MBTPS2: variants seen among roughly 807,000 people sequenced by gnomAD.
MBTPS2 encodes membrane bound transcription factor peptidase, site 2.
MBTPS2 carries 2 observed loss-of-function variants against 35.4 expected under a neutral mutation model. That is an observed-to-expected ratio of 0.06 (90% CI 0.02 to 0.18). The LOEUF is 0.18. MBTPS2 is among the 10% of genes least tolerant of loss of function. MBTPS2 has a pLI of 1.00. For synonymous variants in MBTPS2, 125 were observed against 140.4 expected (o/e 0.89, Z 0.77); for missense variants, 244 against 386.5 (o/e 0.63, Z 3.09).
At position 21,839,619 on chromosome X, in the gene MBTPS2, C is replaced by A; in HGVS notation, c.-116C>A. 1.3e-6 allele frequency: 1 copy of A among 744,038 alleles called. No homozygotes were observed. Among genetic ancestry groups the A allele is most frequent in the South Asian group, 2.3e-5 (1 of 44,247 alleles). The allele number at this position is 744,038 out of a possible 1,213,427, so 61.3% of individuals were successfully genotyped here. On this transcript the variant is annotated 5_prime_UTR_variant, in exon 1 of 11. Transcript: ENST00000379484. ...CGTGCCACCGCAAGGAAGGAGCCGG[C>A]GGTAGCTTGGTTCCTGAGCGGATGC...
At chrX:21,865,033 C>G (rs925506921) in intron 5 of MBTPS2, among the ~76,000 whole-genome samples, 1 of 106,440 alleles carries the variant, frequency 9.4e-6, no homozygotes, top group Admixed American at 1.0e-4. Context: ...CAGGTGTGCA[C>G]CACCACACCC....
chrX:21,853,651 G>A, intron 5 of MBTPS2, 148 bp downstream of exon 5: 3 of 516,149 alleles, frequency 5.8e-6, no homozygotes, highest in Non-Finnish European at 3.2e-6. Flanking sequence ...CAAAAGTAGA[G>A]GAGTAAAATA....
At position 21,883,700 on chromosome X, in the gene MBTPS2, G is replaced by A. The variant is rs1338241542; in HGVS notation, c.*1045G>A. On this transcript the variant is annotated 3_prime_UTR_variant, in exon 11 of 11. Transcript: ENST00000379484. ...TCAGGTTATTAAGTACCTAGTCCTTGTTTTCTGTCTCTCTCCTAAGCTACC... is the reference window on the plus strand; with the variant it reads ...TCAGGTTATTAAGTACCTAGTCCTTATTTTCTGTCTCTCTCCTAAGCTACC... 1.3e-6 allele frequency: 1 copy of A among 752,080 alleles called. No individual in the cohort carries two copies. The highest frequency in any genetic ancestry group is 1.6e-6 in the Non-Finnish European group (1 of 638,953). 62.0% of individuals were successfully genotyped at this position (752,080 alleles called of 1,213,427 possible).
intron 1 of MBTPS2, 57 bp downstream of exon 1, chrX:21,839,866 CCTT>C (rs1327369844): frequency 1.1e-5 from 12 of 1,077,155 alleles, no homozygotes; most frequent in East Asian, 3.3e-5. Flanking sequence ...GAGCGCAAGG[CCTT>C]CTTTTCTCTT....
At chrX:21,856,447 G>C (rs1602142400) in intron 5 of MBTPS2, 1 of 1,172,238 alleles carries the variant, frequency 8.5e-7, no homozygotes, top group Non-Finnish European at 1.1e-6. Context: ...TTTTTCCCAC[G>C]GTCTTCCCGT....
At chrX:21,857,218 G>T (rs757616922) in intron 5 of MBTPS2, 1 of 1,211,869 alleles carries the variant, frequency 8.3e-7, no homozygotes. Context: ...AAGCCCAAAA[G>T]GTCCAAAGGA....
Position 21,885,173 on chromosome X carries a change from C to T in MBTPS2, c.*2518C>T. On this transcript the variant is annotated 3_prime_UTR_variant, in exon 11 of 11. Coordinates refer to ENST00000379484, the MANE Select transcript of MBTPS2 (RefSeq NM_015884.4). Reference sequence around the variant, plus strand: ...TAAACTTGACCTTTTGATAATCGCTCTTACAGGTCATTGTCTGTTCTAACA... The same window carrying T: ...TAAACTTGACCTTTTGATAATCGCTTTTACAGGTCATTGTCTGTTCTAACA... 1.3e-6 allele frequency: 1 copy of T among 753,773 alleles called. No homozygotes were observed. The highest frequency in any genetic ancestry group is 7.6e-4 in the Middle Eastern group (1 of 1,320). The allele number at this position is 753,773 out of a possible 1,213,427, so 62.1% of individuals were successfully genotyped here.
chrX:21,852,236 G>T (rs1274766605), intron 4 of MBTPS2, among the ~76,000 whole-genome samples: 1 of 111,440 alleles, frequency 9.0e-6, no homozygotes, highest in East Asian at 2.8e-4. Flanking sequence ...TGGGGAGAGG[G>T]CCACGTCATA....
intron 5 of MBTPS2, among the ~76,000 whole-genome samples, chrX:21,860,788 C>A (rs1266846898): frequency 1.8e-5 from 2 of 112,156 alleles, no homozygotes; most frequent in Non-Finnish European, 3.8e-5. Context: ...AAATTAGTTT[C>A]CCCAGAGTAA....
At chrX:21,869,200 T>A (rs1266856816) in intron 6 of MBTPS2, among the ~76,000 whole-genome samples, 2 of 112,392 alleles carry the variant, frequency 1.8e-5, no homozygotes, top group African/African-American at 6.5e-5. Flanking sequence ...GATGATACTT[T>A]CACCAAAAAA....
intron 1 of MBTPS2, among the ~76,000 whole-genome samples, chrX:21,840,170 G>C (rs1292080698): frequency 8.9e-6 from 1 of 112,590 alleles, no homozygotes; most frequent in Non-Finnish European, 1.9e-5. Flanking sequence ...TTCCCTTATT[G>C]TTTTTAAGTT....
chrX:21,844,388 C>T (rs2092906264), intron 2 of MBTPS2, among the ~76,000 whole-genome samples: 1 of 110,481 alleles, frequency 9.1e-6, no homozygotes, highest in African/African-American at 3.3e-5. Flanking sequence ...TGGTATGGGT[C>T]TGTGGTCCCA....
chrX:21,867,477 C>G (rs1352725321), intron 5 of MBTPS2, among the ~76,000 whole-genome samples: 1 of 110,734 alleles, frequency 9.0e-6, no homozygotes, highest in Non-Finnish European at 1.9e-5. Context: ...TTTAAACCAT[C>G]CTTCTCCACA....
intron 5 of MBTPS2, chrX:21,857,494 G>C: frequency 8.3e-7 from 1 of 1,211,919 alleles, no homozygotes; most frequent in Non-Finnish European, 1.1e-6. Flanking sequence ...ATCCACACCG[G>C]CGATAAGCCC....
rs189778797 is a variant in MBTPS2 at position 21,861,241 on chromosome X, G to A, written c.671-7226G>A. On this transcript the variant is annotated intron_variant, in intron 5 of 10. Coordinates refer to ENST00000379484, the MANE Select transcript of MBTPS2 (RefSeq NM_015884.4). ...GAGTGGAAAAATGTCAATTATGAGAGTATAAATTAATTCAATAATGCAAAC... is the reference window on the plus strand; with the variant it reads ...GAGTGGAAAAATGTCAATTATGAGAATATAAATTAATTCAATAATGCAAAC... Among the ~76,000 whole-genome samples the A allele has an allele frequency of 3.6e-3, 397 of 111,728 alleles. 2 individuals are homozygous for A. The Middle Eastern group carries it at 0.042, about 12-fold the overall frequency.
At chrX:21,862,907 TAA>T (rs2092933682) in intron 5 of MBTPS2, among the ~76,000 whole-genome samples, 1 of 65,311 alleles carries the variant, frequency 1.5e-5, no homozygotes, top group Non-Finnish European at 3.0e-5. Flanking sequence ...TAAACATATA[TAA>T]ATATATAAAC....
rs747714778 is a variant in MBTPS2 at position 21,868,642 on chromosome X, G to T, written c.789+57G>T. On this transcript the variant is annotated intron_variant, in intron 6 of 10. Coordinates refer to ENST00000379484, the MANE Select transcript of MBTPS2 (RefSeq NM_015884.4). ...ATCAGATGTTGTGATGTAATACCTA[G>T]CATCTATTCAGAAACTTTTATTCAA... 4 of 825,837 alleles carry T rather than the reference G, an allele frequency of 4.8e-6. No homozygotes were observed. In the Admixed American group the frequency reaches 6.6e-5, roughly 14 times the overall value. 68.1% of individuals were successfully genotyped at this position (825,837 alleles called of 1,213,427 possible).
intron 7 of MBTPS2, chrX:21,870,946 C>A: frequency 1.8e-5 from 2 of 112,063 alleles, no homozygotes; most frequent in Non-Finnish European, 3.8e-5. Flanking sequence ...TATCCTGATA[C>A]TTGTCCACAT....
chrX:21,877,311 G>A (rs950117863), intron 7 of MBTPS2, among the ~76,000 whole-genome samples: 1 of 111,681 alleles, frequency 9.0e-6, no homozygotes, highest in Admixed American at 9.5e-5. Context: ...GTGCAGTGGC[G>A]CATGCCTGTA....
Sources: gnomAD v4.1 joint callset for allele counts (sites outside exome capture counted in the v4.1 genomes callset) on GRCh38, gnomAD v4.1.1 for gene constraint, MANE v1.5 for transcripts, NCBI Gene and HGNC (gene_info 2026-07-23, HGNC 2026-07-21) for gene names.